The following HNF4G variants were observed in gnomAD, a reference collection of about 807,000 sequenced individuals.
HNF4G encodes hepatocyte nuclear factor 4-gamma.
A neutral mutation model predicts 50.9 loss-of-function variants in HNF4G; 21 were observed. That is an observed-to-expected ratio of 0.41 (90% confidence interval 0.29 to 0.59). HNF4G has a LOEUF of 0.59. Ranked by LOEUF, HNF4G falls within the 20% of genes least tolerant of loss-of-function variation. The pLI is 0.26. For synonymous variants in HNF4G, 198 were observed against 185.6 expected (o/e 1.07, Z -0.54); for missense variants, 527 against 559.4 (o/e 0.94, Z 0.58).
chr8:75,457,158 C>G (rs1339789822), intron 1 of HNF4G, among the ~76,000 whole-genome samples: 2 of 152,190 alleles, frequency 1.3e-5, no homozygotes, highest in Non-Finnish European at 2.9e-5. Context: ...GCATTCAGAA[C>G]AGATCCTCAG....
chr8:75,540,480 A>T (rs1338565104), intron 1 of HNF4G, among the ~76,000 whole-genome samples: 1 of 152,206 alleles, frequency 6.6e-6, no homozygotes, highest in Non-Finnish European at 1.5e-5. Flanking sequence ...ATAGAACATT[A>T]GGGAGTTTCA....
upstream of HNF4G, among the ~76,000 whole-genome samples, chr8:75,539,336 A>C (rs750890896): frequency 6.6e-6 from 1 of 152,202 alleles, no homozygotes; most frequent in Non-Finnish European, 1.5e-5. Context: ...ATATTGTTAA[A>C]GGCCATATAA....
intron 2 of HNF4G, among the ~76,000 whole-genome samples, chr8:75,496,396 T>G (rs1218185981): frequency 6.6e-6 from 1 of 152,094 alleles, no homozygotes; most frequent in African/African-American, 2.4e-5. Flanking sequence ...GGATGTTACA[T>G]TAACTTCATG....
At chr8:75,437,743 A>T (rs1392015628) in intron 1 of HNF4G, among the ~76,000 whole-genome samples, 1 of 151,978 alleles carries the variant, frequency 6.6e-6, no homozygotes, top group East Asian at 1.9e-4. Flanking sequence ...ATAAATATAA[A>T]AACATGGACA....
intron 1 of HNF4G, among the ~76,000 whole-genome samples, chr8:75,434,728 G>A (rs989750046): frequency 1.3e-5 from 2 of 149,950 alleles, no homozygotes; most frequent in Non-Finnish European, 3.0e-5. Flanking sequence ...GGTAAGAAAA[G>A]TGGGGTATAA....
chr8:75,422,219 G>T (rs1453795786), intron 1 of HNF4G, among the ~76,000 whole-genome samples: 1 of 152,122 alleles, frequency 6.6e-6, no homozygotes, highest in Admixed American at 6.5e-5. Context: ...CAGACTATTA[G>T]TGAAATAATA....
At chr8:75,500,751 A>G (rs929591434) in intron 2 of HNF4G, among the ~76,000 whole-genome samples, 18 of 152,210 alleles carry the variant, frequency 1.2e-4, no homozygotes, top group Non-Finnish European at 2.5e-4. Context: ...TAAGTGAAAC[A>G]AGACACACAT....
At chr8:75,469,887 C>T (rs573950366) in intron 1 of HNF4G, among the ~76,000 whole-genome samples, 3 of 152,136 alleles carry the variant, frequency 2.0e-5, no homozygotes, top group African/African-American at 7.2e-5. Context: ...AGGAGTTTTA[C>T]TTCAAAAACC....
In HNF4G at chr8:75,431,926, C is replaced by CAA. The variant is rs35551312; in HGVS notation, c.-144+23774_-144+23775dup. Among the ~76,000 whole-genome samples, 7 of 138,448 alleles carry CAA rather than the reference C, an allele frequency of 5.1e-5. No individual in the cohort carries two copies. In the South Asian group the frequency reaches 6.9e-4, roughly 14 times the overall value. The allele number at this position is 138,448 out of a possible 152,430, so 90.8% of individuals were successfully genotyped here. A position where few individuals can be genotyped will look rare whatever the true frequency, so the allele number is the denominator to read the frequency against. Reference sequence around the variant, plus strand: ...GGGCAACAAGAGTGAAACTCCATCTCAAAAAAAAAAACAAAACAAAAACAA... The same window carrying CAA: ...GGGCAACAAGAGTGAAACTCCATCTCAAAAAAAAAAAAACAAAACAAAAACAA... On this transcript the variant is annotated intron_variant, in intron 1 of 10. Coordinates refer to the HNF4G transcript ENST00000354370.
At chr8:75,510,867 A>C (rs1423070009) in intron 2 of HNF4G, among the ~76,000 whole-genome samples, 1 of 152,152 alleles carries the variant, frequency 6.6e-6, no homozygotes, top group Non-Finnish European at 1.5e-5. Flanking sequence ...GTAATTAAAA[A>C]TAATCCCAAA....
chr8:75,479,107 T>G (rs1309921484), intron 1 of HNF4G, among the ~76,000 whole-genome samples: 1 of 152,210 alleles, frequency 6.6e-6, no homozygotes, highest in East Asian at 1.9e-4. Flanking sequence ...AGCACAGTAT[T>G]ATTTCCAAGG....
chr8:75,431,280 A>G (rs1490582006), intron 1 of HNF4G, among the ~76,000 whole-genome samples: 1 of 152,184 alleles, frequency 6.6e-6, no homozygotes, highest in African/African-American at 2.4e-5. Flanking sequence ...GAGAAAAAAC[A>G]TGAGTGAGAT....
At chr8:75,478,158 A>C (rs1249519640) in intron 1 of HNF4G, among the ~76,000 whole-genome samples, 3 of 151,762 alleles carry the variant, frequency 2.0e-5, no homozygotes, top group African/African-American at 7.3e-5. Flanking sequence ...CAAAAAATTG[A>C]AAAAATTAAC....
chr8:75,556,101 T>A, intron 6 of HNF4G, 32 bp downstream of exon 6: 1 of 1,187,048 alleles, frequency 8.4e-7, no homozygotes, highest in Non-Finnish European at 1.2e-6. Flanking sequence ...TAAGAAGAAA[T>A]TATGCATATT....
In HNF4G at chr8:75,474,662, AATT is replaced by A. The variant is rs937012773; in HGVS notation, c.-143-15420_-143-15418del. 6.1e-4 allele frequency among the ~76,000 whole-genome samples: 93 copies of A among 152,084 alleles called. 1 individual carries two copies. The highest frequency in any genetic ancestry group is 1.9e-3 in the African/African-American group (78 of 41,480). On this transcript the variant is annotated intron_variant, in intron 1 of 10. Coordinates refer to the HNF4G transcript ENST00000354370. ...GAGGTCAAGAATGATGAATAATAAT[AATT>A]ATTATTTTTTTTGGAGATGGAATTA...
At chr8:75,496,504 A>T (rs936421875) in intron 2 of HNF4G, among the ~76,000 whole-genome samples, 1 of 151,974 alleles carries the variant, frequency 6.6e-6, no homozygotes, top group Non-Finnish European at 1.5e-5. Flanking sequence ...GGCATTTTCA[A>T]ACTCCTAGTT....
rs1807216846 is a variant in HNF4G, at chr8:75,558,928, C to T, written c.1014C>T (p.Leu338=). ...SRGRFGELLL[L]LPTLQSITWQ... is the part of the protein sequence containing the mutation. ...GGAGGTTTGGAGAGTTGCTTCTGCT[C>T]CTGCCCACACTGCAGAGCATCACGT... The change falls in exon 8 of 10, where the codon CTC becomes CTT. Residue 338 remains leucine (L), a synonymous_variant. Transcript: ENST00000396423. 1 of 1,613,930 alleles carries T rather than the reference C, an allele frequency of 6.2e-7. No individual in the cohort carries two copies. Among genetic ancestry groups the T allele is most frequent in the South Asian group, 1.1e-5 (1 of 91,054 alleles).
chr8:75,511,137 T>A (rs540526826), intron 2 of HNF4G, among the ~76,000 whole-genome samples: 1 of 152,262 alleles, frequency 6.6e-6, no homozygotes, highest in Admixed American at 6.5e-5. Context: ...AAAGCCTTGC[T>A]TTTTACATGT....
At chr8:75,414,638 G>T (rs1390781043) in intron 1 of HNF4G, among the ~76,000 whole-genome samples, 1 of 152,078 alleles carries the variant, frequency 6.6e-6, no homozygotes, top group African/African-American at 2.4e-5. Flanking sequence ...TATCCATGGG[G>T]TCACGCAGTA....
Sources: allele counts gnomAD v4.1 joint callset (sites outside exome capture counted in the v4.1 genomes callset), GRCh38; gene constraint gnomAD v4.1.1; transcripts MANE v1.5; gene names NCBI Gene and HGNC (gene_info 2026-07-23, HGNC 2026-07-21).